KCNMA1: variants seen among roughly 807,000 people sequenced by gnomAD.
KCNMA1 encodes the protein potassium calcium-activated channel subfamily M alpha 1.
KCNMA1 carries 29 observed loss-of-function variants against 140.0 expected under a neutral mutation model. The ratio of observed to expected loss-of-function variants is 0.21; its 90% CI spans 0.15 to 0.28. The LOEUF is 0.28. KCNMA1 is among the 10% of genes least tolerant of loss of function. The probability of loss-of-function intolerance (pLI) is 1.00; values close to 1 mark genes in which losing one functional copy is unlikely to be tolerated. For synonymous variants in KCNMA1, 612 were observed against 611.9 expected (o/e 1.00, Z 0.00); for missense variants, 880 against 1,602.2 (o/e 0.55, Z 7.70).
chr10:77,616,149 T>C (rs1330732277), intron 1 of KCNMA1, among the ~76,000 whole-genome samples: 2 of 152,158 alleles, frequency 1.3e-5, no homozygotes, highest in African/African-American at 2.4e-5. Flanking sequence ...GAGACCAAAA[T>C]GAACATTCAA....
At chr10:77,223,450 A>G (rs2050322919) in intron 3 of KCNMA1, among the ~76,000 whole-genome samples, 1 of 152,162 alleles carries the variant, frequency 6.6e-6, no homozygotes, top group South Asian at 2.1e-4. Context: ...TTTGTCCCCC[A>G]AACAAGTTGA....
chr10:77,108,459 C>A lies in KCNMA1; in HGVS notation c.1223+22G>T, dbSNP rs1392688917. On this transcript the variant is annotated intron_variant, in intron 9 of 27. Coordinates refer to ENST00000286628, the MANE Select transcript of KCNMA1 (RefSeq NM_001161352.2). The surrounding 1 kb of genome is among the most constrained non-coding windows in gnomAD (Gnocchi z 4.6). ...GAGGATTCTACCGCAGCAGAGGCAG[C>A]AAAACCTCTTGGCATACTTACTTTC... 1 of 1,607,140 alleles carries A rather than the reference C, an allele frequency of 6.2e-7. No individual in the cohort carries two copies. Among genetic ancestry groups the A allele is most frequent in the African/African-American group, 1.3e-5 (1 of 74,578 alleles).
rs547375316 is a variant in KCNMA1, at chr10:77,537,241, C to CG, written c.378+100023_378+100024insC. The stretch of plus-strand genomic sequence containing the variant: ...TGCTCCATTGCTTCCCCTCCACCCC[C>CG]CTGCTCCTTTAATTTCAGTGACAGG... On this transcript the variant is annotated intron_variant, in intron 1 of 27. Coordinates refer to ENST00000286628, the MANE Select transcript of KCNMA1 (RefSeq NM_001161352.2). Among the ~76,000 whole-genome samples, 370 of 152,248 alleles carry CG rather than the reference C, an allele frequency of 2.4e-3. 2 individuals are homozygous for CG. The highest frequency in any genetic ancestry group is 8.7e-3 in the African/African-American group (361 of 41,540).
At chr10:77,050,779 A>G (rs1049808126) in intron 14 of KCNMA1, among the ~76,000 whole-genome samples, 1 of 152,220 alleles carries the variant, frequency 6.6e-6, no homozygotes, top group East Asian at 1.9e-4. Context: ...TGAGGACAAG[A>G]GATTCAGAAG....
At chr10:77,517,406 G>A (rs1376306428) in intron 1 of KCNMA1, among the ~76,000 whole-genome samples, 1 of 152,210 alleles carries the variant, frequency 6.6e-6, no homozygotes, top group East Asian at 1.9e-4. Context: ...CTGGCTCCTA[G>A]TGATTTTACA....
At chr10:77,377,473 G>A (rs1017188710) in intron 2 of KCNMA1, among the ~76,000 whole-genome samples, 14 of 152,102 alleles carry the variant, frequency 9.2e-5, no homozygotes, top group African/African-American at 2.7e-4. Flanking sequence ...GGCAGGCGTC[G>A]ACTAGATGGG....
chr10:77,462,226 T>G (rs1409679589), intron 1 of KCNMA1, among the ~76,000 whole-genome samples: 1 of 151,864 alleles, frequency 6.6e-6, no homozygotes, highest in African/African-American at 2.4e-5. Flanking sequence ...CTCAGATAGA[T>G]GCACACACCT....
chr10:77,637,795 TCGGGGCGCTGTGCGCGACCTGG>T (rs1464509657), exon 1 of KCNMA1: 16 of 1,248,506 alleles, frequency 1.3e-5, no homozygotes, highest in Non-Finnish European at 1.6e-5. Flanking sequence ...GCGCCTGGGC[TCGGGGCGCTGTGCGCGACCTGG>T]CGGGGTGCGC....
chr10:77,506,596 A>AGAGAGAGAGAGAGTGTGT lies in KCNMA1; in HGVS notation c.379-102574_379-102573insACACACTCTCTCTCTCTC. On this transcript the variant is annotated intron_variant, in intron 1 of 27. Transcript: ENST00000286628. Reference sequence around the variant, plus strand: ...TAGAGAGAGAGAGAGAGAGAGAGAGAGTGTGTGTGTGTGTGTGTGTGTGTT... The same window carrying AGAGAGAGAGAGAGTGTGT: ...TAGAGAGAGAGAGAGAGAGAGAGAGAGAGAGAGAGAGAGTGTGTGTGTGTGTGTGTGTGTGTGTGTGTT... Among the ~76,000 whole-genome samples the AGAGAGAGAGAGAGTGTGT allele has an allele frequency of 2.0e-3, 166 of 83,522 alleles. 6 individuals are homozygous for AGAGAGAGAGAGAGTGTGT. The highest frequency in any genetic ancestry group is 7.5e-3 in the African/African-American group (100 of 13,388). 54.8% of individuals were successfully genotyped at this position (83,522 alleles called of 152,430 possible).
chr10:77,212,796 C>T lies in KCNMA1; in HGVS notation c.603-27880G>A, dbSNP rs528970527. ...GGCACAGCCAAGAGGAATCAGCGCT[C>T]TTGACTTTGACATCTTCAATTCCTA... On this transcript the variant is annotated intron_variant, in intron 3 of 27. Transcript: ENST00000286628. 1.7e-4 allele frequency among the ~76,000 whole-genome samples: 26 copies of T among 152,168 alleles called. No homozygotes were observed. In the South Asian group the frequency reaches 5.4e-3, roughly 32 times the overall value.
At chr10:77,496,978 C>G (rs934649207) in intron 1 of KCNMA1, among the ~76,000 whole-genome samples, 3 of 152,192 alleles carry the variant, frequency 2.0e-5, no homozygotes, top group African/African-American at 7.2e-5. Flanking sequence ...CACTAGGACA[C>G]CACCCTCTAC....
At chr10:77,071,289 C>T (rs1290946354) in intron 14 of KCNMA1, 4 of 152,300 alleles carry the variant, frequency 2.6e-5, no homozygotes, top group East Asian at 1.9e-4. Context: ...GCAGGCACCA[C>T]AAAATCAAAA....
intron 19 of KCNMA1, among the ~76,000 whole-genome samples, chr10:76,971,931 C>A (rs2076184401): frequency 6.6e-6 from 1 of 151,914 alleles, no homozygotes; most frequent in Non-Finnish European, 1.5e-5. Flanking sequence ...GGGGACCAGG[C>A]ATCTGAGGCA....
At chr10:77,430,695 G>C (rs2097134690) in intron 1 of KCNMA1, among the ~76,000 whole-genome samples, 1 of 152,192 alleles carries the variant, frequency 6.6e-6, no homozygotes, top group Non-Finnish European at 1.5e-5. Context: ...ACAAGGGAGG[G>C]TGCAAGGAGG....
chr10:77,175,755 G>C lies in KCNMA1; in HGVS notation c.808+7666C>G, dbSNP rs968552118. On this transcript the variant is annotated intron_variant, in intron 5 of 27. Transcript: ENST00000286628. ...AGAGTCAGGGCAGGAACTTACTCAT[G>C]ACCAGGCACAGGGCAGAGACAGCAA... Among the ~76,000 whole-genome samples, 3 of 152,174 alleles carry C rather than the reference G, an allele frequency of 2.0e-5. No homozygotes were observed. In the South Asian group the frequency reaches 6.2e-4, roughly 31 times the overall value.
rs36062874 is a variant in KCNMA1 at position 76,987,061 on chromosome 10, C to CT, written c.2266+14345dup. Among the ~76,000 whole-genome samples the CT allele has an allele frequency of 7.9e-3, 1,110 of 139,744 alleles. 15 individuals are homozygous for CT. The highest frequency in any genetic ancestry group is 0.025 in the African/African-American group (939 of 38,008). The allele number at this position is 139,744 out of a possible 152,430, so 91.7% of individuals were successfully genotyped here. A position where few individuals can be genotyped will look rare whatever the true frequency, so the allele number is the denominator to read the frequency against. ...GAAAGGAAGATCTCTAGCCTTGAGA[C>CT]TTTTTTTTTTTTTTTTGCCTCTGGT... On this transcript the variant is annotated intron_variant, in intron 19 of 27. Coordinates refer to ENST00000286628, the MANE Select transcript of KCNMA1 (RefSeq NM_001161352.2).
intron 3 of KCNMA1, among the ~76,000 whole-genome samples, chr10:77,241,127 A>G (rs1020431861): frequency 1.3e-5 from 2 of 152,102 alleles, no homozygotes; most frequent in African/African-American, 4.8e-5. Context: ...GACCACATTG[A>G]AGGGGTTTAG....
At chr10:77,063,219 C>G (rs1231513919) in intron 14 of KCNMA1, among the ~76,000 whole-genome samples, 1 of 152,122 alleles carries the variant, frequency 6.6e-6, no homozygotes, top group Admixed American at 6.5e-5. Context: ...TTGAGACCAG[C>G]CTGGGCAACA....
intron 2 of KCNMA1, among the ~76,000 whole-genome samples, chr10:77,353,896 G>C (rs1368144386): frequency 6.6e-6 from 1 of 150,452 alleles, no homozygotes; most frequent in African/African-American, 2.4e-5. Flanking sequence ...GAACAGTAGA[G>C]CCAGGATTCA....
Sources: allele counts gnomAD v4.1 joint callset (sites outside exome capture counted in the v4.1 genomes callset), GRCh38; gene constraint gnomAD v4.1.1; non-coding constraint Gnocchi (gnomAD v3.1); transcripts MANE v1.5; gene names NCBI Gene and HGNC (gene_info 2026-07-23, HGNC 2026-07-21).